LOC128462377: variants seen among roughly 807,000 people sequenced by gnomAD.
chr16:89,333,576 A>G, the LOC128462377 span, among the ~76,000 whole-genome samples: 44 of 152,248 alleles, frequency 2.9e-4, no homozygotes, highest in African/African-American at 1.0e-3. Context: ...CTGTCTGCAC[A>G]GTTTTGCCCT....
chr16:89,393,308 AT>A, the LOC128462377 span, among the ~76,000 whole-genome samples: 4 of 145,144 alleles, frequency 2.8e-5, no homozygotes, highest in East Asian at 2.1e-4. Context: ...TACTTTTTTT[AT>A]TTTTATTTTT....
At chr16:89,401,917 G>C in the LOC128462377 span, among the ~76,000 whole-genome samples, 1 of 150,870 alleles carries the variant, frequency 6.6e-6, no homozygotes, top group Admixed American at 6.6e-5. Flanking sequence ...CCCAGAACCT[G>C]GAGAGAGGCC....
the LOC128462377 span, among the ~76,000 whole-genome samples, chr16:89,328,658 G>A: frequency 6.6e-6 from 1 of 150,808 alleles, no homozygotes; most frequent in African/African-American, 2.5e-5. Context: ...AATCAGCGGA[G>A]GCCCCTGCTG....
the LOC128462377 span, among the ~76,000 whole-genome samples, chr16:89,416,124 C>T: frequency 5.5e-4 from 83 of 152,276 alleles, no homozygotes; most frequent in African/African-American, 1.9e-3. Context: ...TAGATTATTA[C>T]TGTGGCATGG....
At chr16:89,324,469 T>C in the LOC128462377 span, 1 of 457,310 alleles carries the variant, frequency 2.2e-6, no homozygotes, top group Non-Finnish European at 4.4e-6. Context: ...TCAACTTGAC[T>C]GGACTAAAGG....
the LOC128462377 span, among the ~76,000 whole-genome samples, chr16:89,393,198 G>C: frequency 1.3e-5 from 2 of 152,062 alleles, no homozygotes; most frequent in African/African-American, 2.4e-5. Context: ...TTGAGAGCAC[G>C]ACGCCAGCCT....
chr16:89,317,839 C>T, the LOC128462377 span, among the ~76,000 whole-genome samples: 1 of 152,130 alleles, frequency 6.6e-6, no homozygotes, highest in Non-Finnish European at 1.5e-5. Flanking sequence ...CTGCCCCTCT[C>T]TCAGGGCTGG....
chr16:89,345,434 C>T, the LOC128462377 span, among the ~76,000 whole-genome samples: 2 of 152,278 alleles, frequency 1.3e-5, no homozygotes, highest in South Asian at 4.1e-4. Context: ...GGAGGCAGTC[C>T]CGTCCATTCC....
At chr16:89,400,841 C>T in the LOC128462377 span, among the ~76,000 whole-genome samples, 8 of 152,052 alleles carry the variant, frequency 5.3e-5, no homozygotes, top group African/African-American at 1.7e-4. Context: ...GGTCATCTGA[C>T]GGGAACCCCT....
chr16:89,398,621 G>C, the LOC128462377 span, among the ~76,000 whole-genome samples: 1 of 152,128 alleles, frequency 6.6e-6, no homozygotes, highest in African/African-American at 2.4e-5. Context: ...ACCTGCCTGT[G>C]GTTTCAGATA....
At chr16:89,318,792 G>C in the LOC128462377 span, among the ~76,000 whole-genome samples, 5 of 152,338 alleles carry the variant, frequency 3.3e-5, no homozygotes, top group East Asian at 1.9e-4. Context: ...AGTTATTCTG[G>C]AGAGAGGGAC....
the LOC128462377 span, among the ~76,000 whole-genome samples, chr16:89,377,117 T>TC: frequency 2.0e-5 from 3 of 152,114 alleles, no homozygotes; most frequent in Non-Finnish European, 4.4e-5. Flanking sequence ...ATGCCCTTGG[T>TC]CCCCCAGAAC....
chr16:89,384,639 T>G, the LOC128462377 span, among the ~76,000 whole-genome samples: 1 of 152,164 alleles, frequency 6.6e-6, no homozygotes, highest in Non-Finnish European at 1.5e-5. Flanking sequence ...GCACTGGCAG[T>G]GGCACTGACG....
the LOC128462377 span, among the ~76,000 whole-genome samples, chr16:89,331,882 T>A: frequency 6.6e-6 from 1 of 151,634 alleles, no homozygotes; most frequent in Non-Finnish European, 1.5e-5. Context: ...TGGTTCCGGG[T>A]TAACGGGCTG....
chr16:89,372,359 GGA>G, the LOC128462377 span, among the ~76,000 whole-genome samples: 1 of 152,174 alleles, frequency 6.6e-6, no homozygotes. Flanking sequence ...CCGCCGGTGT[GGA>G]GAGCCCGAGT....
At chr16:89,361,420 G>A in the LOC128462377 span, 1 of 152,308 alleles carries the variant, frequency 6.6e-6, no homozygotes, top group Admixed American at 6.5e-5. Context: ...TTCAGGCCAG[G>A]TGACTGTCTT....
the LOC128462377 span, among the ~76,000 whole-genome samples, chr16:89,398,735 TTG>T: frequency 6.6e-6 from 1 of 151,592 alleles, no homozygotes; most frequent in Non-Finnish European, 1.5e-5. Context: ...CAGAGAGAGA[TTG>T]TGTGTCCAAA....
At chr16:89,358,631 T>C in the LOC128462377 span, among the ~76,000 whole-genome samples, 1 of 152,110 alleles carries the variant, frequency 6.6e-6, no homozygotes, top group South Asian at 2.1e-4. Context: ...ATAAACAGAA[T>C]GACTAAGATT....
At chr16:89,333,635 G>A in the LOC128462377 span, among the ~76,000 whole-genome samples, 1 of 152,132 alleles carries the variant, frequency 6.6e-6, no homozygotes, top group South Asian at 2.1e-4. Context: ...CCTTGGAGAC[G>A]GGCTGCTTTC....
Sources: gnomAD v4.1 joint callset for allele counts (sites outside exome capture counted in the v4.1 genomes callset) on GRCh38, gnomAD v4.1.1 for gene constraint, MANE v1.5 for transcripts.